ACOXL: variants seen among roughly 807,000 people sequenced by gnomAD.
ACOXL encodes acyl-coenzyme A oxidase-like protein.
Under a neutral mutation model 71.9 loss-of-function variants are expected in ACOXL, and 70 were observed. That is an observed-to-expected ratio of 0.97 (90% CI 0.80 to 1.19). The LOEUF is 1.19. Ranked by LOEUF, ACOXL falls within the 50% of genes most tolerant of loss-of-function variation. The probability of loss-of-function intolerance (pLI) is 0.00; values close to 1 mark genes in which losing one functional copy is unlikely to be tolerated. For missense variants in ACOXL, 703 were observed against 736.3 expected, an observed-to-expected ratio of 0.95 and a Z score of 0.52; for synonymous variants, 253 against 281.6, an observed-to-expected ratio of 0.90 and a Z score of 1.02.
chr2:110,956,949 G>A (rs531965355), intron 12 of ACOXL, among the ~76,000 whole-genome samples: 2 of 152,236 alleles, frequency 1.3e-5, no homozygotes, highest in African/African-American at 2.4e-5. Flanking sequence ...GGCAGAGAGC[G>A]GAGGAGCTGT....
chr2:111,029,702 G>A (rs1365372722), intron 14 of ACOXL, among the ~76,000 whole-genome samples: 1 of 152,210 alleles, frequency 6.6e-6, no homozygotes, highest in South Asian at 2.1e-4. Flanking sequence ...GTCTGGAGGT[G>A]GGGCCAGGGA....
chr2:110,913,762 A>T (rs1183205440), intron 11 of ACOXL, among the ~76,000 whole-genome samples: 2 of 152,126 alleles, frequency 1.3e-5, no homozygotes, highest in Non-Finnish European at 2.9e-5. Context: ...GGGAGCTTTT[A>T]TTCATGGCAG....
At chr2:110,770,298 C>T (rs1681731263) in intron 2 of ACOXL, among the ~76,000 whole-genome samples, 1 of 152,190 alleles carries the variant, frequency 6.6e-6, no homozygotes, top group Non-Finnish European at 1.5e-5. Context: ...CTAGTGGGGG[C>T]CTGGGATCCA....
At chr2:110,820,622 T>A (rs1389599351) in intron 9 of ACOXL, among the ~76,000 whole-genome samples, 1 of 152,040 alleles carries the variant, frequency 6.6e-6, no homozygotes, top group Non-Finnish European at 1.5e-5. Flanking sequence ...AGCGATAGAC[T>A]GAGGAGGAGA....
intron 10 of ACOXL, among the ~76,000 whole-genome samples, chr2:110,890,091 T>G (rs1213073794): frequency 6.6e-6 from 1 of 152,202 alleles, no homozygotes; most frequent in Admixed American, 6.5e-5. Context: ...TTATTAGCCA[T>G]TTGTATACCT....
intron 13 of ACOXL, among the ~76,000 whole-genome samples, chr2:110,994,328 C>T (rs2063301200): frequency 6.6e-6 from 1 of 152,224 alleles, no homozygotes; most frequent in South Asian, 2.1e-4. Flanking sequence ...ATACTTTCCT[C>T]TTCCCTGTCT....
intron 15 of ACOXL, among the ~76,000 whole-genome samples, chr2:111,042,094 C>T (rs2065813938): frequency 6.6e-6 from 1 of 152,228 alleles, no homozygotes; most frequent in East Asian, 1.9e-4. Flanking sequence ...CAGTTCTCCA[C>T]ATTTCACTCC....
At chr2:110,871,396 G>A (rs974719565) in intron 10 of ACOXL, among the ~76,000 whole-genome samples, 2 of 152,044 alleles carry the variant, frequency 1.3e-5, no homozygotes, top group Admixed American at 1.3e-4. Context: ...TAATATGGAA[G>A]CATTAGCCAC....
chr2:110,794,924 T>C (rs1267889176), intron 5 of ACOXL, among the ~76,000 whole-genome samples: 4 of 152,100 alleles, frequency 2.6e-5, no homozygotes, highest in Non-Finnish European at 4.4e-5. Context: ...GCCCATCTCT[T>C]TAACTCCTAC....
intron 2 of ACOXL, among the ~76,000 whole-genome samples, chr2:110,782,684 G>A (rs1683479940): frequency 6.6e-6 from 1 of 152,226 alleles, no homozygotes; most frequent in Admixed American, 6.5e-5. Context: ...TCAAAGTGGT[G>A]AGTAAAAATG....
At chr2:110,748,278 G>A (rs749130147) in intron 1 of ACOXL, among the ~76,000 whole-genome samples, 1 of 152,170 alleles carries the variant, frequency 6.6e-6, no homozygotes, top group Non-Finnish European at 1.5e-5. Context: ...AGGAAACAAG[G>A]AAAGATGGGA....
chr2:111,086,600 G>A (rs1236287403), intron 16 of ACOXL, among the ~76,000 whole-genome samples: 1 of 152,152 alleles, frequency 6.6e-6, no homozygotes, highest in East Asian at 1.9e-4. Context: ...TTTTTAACAT[G>A]AAGGAATGTT....
chr2:110,984,676 G>A (rs1260685193), intron 12 of ACOXL, among the ~76,000 whole-genome samples: 2 of 152,248 alleles, frequency 1.3e-5, no homozygotes, highest in East Asian at 3.9e-4. Flanking sequence ...TTTAATCCTA[G>A]TTAGAGTGAG....
At chr2:110,994,251 A>T (rs932375721) in intron 13 of ACOXL, among the ~76,000 whole-genome samples, 3 of 152,172 alleles carry the variant, frequency 2.0e-5, no homozygotes, top group Non-Finnish European at 2.9e-5. Flanking sequence ...AGAAACCCAA[A>T]CTTCTTAAAG....
intron 12 of ACOXL, among the ~76,000 whole-genome samples, chr2:110,981,165 C>T (rs1219566454): frequency 6.6e-6 from 1 of 152,164 alleles, no homozygotes; most frequent in Non-Finnish European, 1.5e-5. Context: ...GAGTTCGAGA[C>T]CAGCCTGGCC....
chr2:111,093,690 C>T lies in ACOXL; in HGVS notation c.1542+724C>T, dbSNP rs182373447. The T allele has an allele frequency of 3.5e-4, 224 of 644,452 alleles. No homozygotes were observed. In the African/African-American group the frequency reaches 3.8e-3, roughly 11 times the overall value. 39.9% of individuals were successfully genotyped at this position (644,452 alleles called of 1,614,324 possible). On this transcript the variant is annotated intron_variant, in intron 17 of 17. Transcript: ENST00000439055. Reference sequence around the variant, plus strand: ...CACCATCTTGGGCAACATGGTGAAACCCTGTCTACTAAAATACAAAAAAAT... The same window carrying T: ...CACCATCTTGGGCAACATGGTGAAATCCTGTCTACTAAAATACAAAAAAAT...
intron 10 of ACOXL, among the ~76,000 whole-genome samples, chr2:110,908,048 T>A (rs1350094398): frequency 1.3e-5 from 2 of 152,204 alleles, no homozygotes; most frequent in East Asian, 3.9e-4. Flanking sequence ...GAATGTAGGA[T>A]GTAGAGCATC....
At chr2:111,098,144 C>T (rs558220119) in intron 17 of ACOXL, among the ~76,000 whole-genome samples, 2 of 152,100 alleles carry the variant, frequency 1.3e-5, no homozygotes, top group Non-Finnish European at 2.9e-5. Flanking sequence ...TCCCTGAAAC[C>T]CATAACCCAA....
At chr2:110,924,148 G>A (rs1020312473) in intron 11 of ACOXL, among the ~76,000 whole-genome samples, 2 of 152,052 alleles carry the variant, frequency 1.3e-5, no homozygotes, top group African/African-American at 2.4e-5. Context: ...ATATACATAC[G>A]TCTGTTAAAA....
Sources: allele counts gnomAD v4.1 joint callset (sites outside exome capture counted in the v4.1 genomes callset), GRCh38; gene constraint gnomAD v4.1.1; transcripts MANE v1.5; gene names NCBI Gene and HGNC (gene_info 2026-07-23, HGNC 2026-07-21).